The following PAG1 variants were observed in gnomAD, a reference collection of about 807,000 sequenced individuals.
PAG1 encodes phosphoprotein membrane anchor with glycosphingolipid microdomains 1.
PAG1 carries 23 observed loss-of-function variants against 31.7 expected under a neutral mutation model. The ratio of observed to expected loss-of-function variants is 0.73; its 90% CI spans 0.52 to 1.03. The LOEUF (loss-of-function observed/expected upper bound fraction) is 1.03. Among genes scored for constraint, PAG1 ranks in the 50% least tolerant of loss-of-function variants. PAG1 has a pLI of 0.00. For missense variants in PAG1, 473 were observed against 540.7 expected, an observed-to-expected ratio of 0.87 and a Z score of 1.24; for synonymous variants, 214 against 210.3, an observed-to-expected ratio of 1.02 and a Z score of -0.15.
chr8:80,979,520 C>A (rs1250782449), intron 8 of PAG1, among the ~76,000 whole-genome samples: 2 of 152,204 alleles, frequency 1.3e-5, no homozygotes, highest in African/African-American at 2.4e-5. Context: ...AGACAGATGG[C>A]AGGTCCATTC....
At chr8:81,053,369 T>C (rs1808763649) in intron 2 of PAG1, among the ~76,000 whole-genome samples, 1 of 152,200 alleles carries the variant, frequency 6.6e-6, no homozygotes, top group Non-Finnish European at 1.5e-5. Context: ...TCTGACTTTC[T>C]AGCATTCTTT....
chr8:80,977,859 G>A (rs1208259695), intron 8 of PAG1, among the ~76,000 whole-genome samples: 2 of 152,086 alleles, frequency 1.3e-5, no homozygotes, highest in African/African-American at 4.8e-5. Context: ...GAAAAATCAC[G>A]GTTGGAAATA....
intron 1 of PAG1, among the ~76,000 whole-genome samples, chr8:81,095,641 G>T (rs1470152260): frequency 6.6e-6 from 1 of 152,142 alleles, no homozygotes; most frequent in Non-Finnish European, 1.5e-5. Context: ...TAATCCCTTG[G>T]TTATGTGATT....
intron 2 of PAG1, among the ~76,000 whole-genome samples, chr8:81,056,437 T>A (rs952179731): frequency 6.6e-6 from 1 of 152,118 alleles, no homozygotes; most frequent in Non-Finnish European, 1.5e-5. Context: ...CCATCTGATC[T>A]TTGACAAACC....
In PAG1 at chr8:80,976,415, G is replaced by C; in HGVS notation, c.*129C>G. The C allele has an allele frequency of 1.1e-6, 1 of 910,166 alleles. No individual in the cohort carries two copies. The highest frequency in any genetic ancestry group is 2.5e-5 in the East Asian group (1 of 40,630). The allele number at this position is 910,166 out of a possible 1,614,324, so 56.4% of individuals were successfully genotyped here. On this transcript the variant is annotated 3_prime_UTR_variant, in exon 9 of 9. Transcript: ENST00000220597. ...GAACAACTGGGAGAACAGTCGACAG[G>C]GCCTCTCCAACCATCTTCAGGTGAC... is the stretch of plus-strand genomic sequence containing the variant.
intron 2 of PAG1, among the ~76,000 whole-genome samples, chr8:81,042,402 C>G (rs996447009): frequency 6.6e-6 from 1 of 152,176 alleles, no homozygotes; most frequent in Non-Finnish European, 1.5e-5. Context: ...ATGGTTGTCA[C>G]TTGTTTTTCA....
chr8:81,046,711 T>C (rs1808647919), intron 2 of PAG1, among the ~76,000 whole-genome samples: 1 of 152,144 alleles, frequency 6.6e-6, no homozygotes, highest in African/African-American at 2.4e-5. Flanking sequence ...AGTTCAGGGA[T>C]ACATGTGCAG....
chr8:81,016,559 T>C (rs1382667545), intron 3 of PAG1, among the ~76,000 whole-genome samples: 1 of 152,198 alleles, frequency 6.6e-6, no homozygotes, highest in Non-Finnish European at 1.5e-5. Context: ...TCACCTGAAA[T>C]ATATTTTCTA....
At chr8:80,996,613 G>T (rs148500775) in intron 3 of PAG1, among the ~76,000 whole-genome samples, 1,688 of 152,252 alleles carry the variant, frequency 0.011, 23 homozygotes, top group African/African-American at 0.039. Flanking sequence ...CCTGTGCATG[G>T]GGATGGCCCC....
intron 1 of PAG1, among the ~76,000 whole-genome samples, chr8:81,090,633 G>C (rs547445895): frequency 6.6e-6 from 1 of 152,216 alleles, no homozygotes; most frequent in Non-Finnish European, 1.5e-5. Context: ...AACCAGATTA[G>C]GTTGAGGTGG....
intron 3 of PAG1, among the ~76,000 whole-genome samples, chr8:81,018,764 CA>C (rs1461336669): frequency 6.6e-6 from 1 of 152,196 alleles, no homozygotes; most frequent in African/African-American, 2.4e-5. Flanking sequence ...ATAAATTACC[CA>C]GTCTGGTGCA....
At chr8:81,050,766 T>C (rs573114016) in intron 2 of PAG1, among the ~76,000 whole-genome samples, 1 of 152,340 alleles carries the variant, frequency 6.6e-6, no homozygotes, top group African/African-American at 2.4e-5. Context: ...AAGTAGGTGC[T>C]TGAGTCCATC....
In PAG1 at chr8:80,984,999, G is replaced by T; in HGVS notation, c.653C>A (p.Thr218Asn). The change falls in exon 7 of 9, where the codon ACT (threonine) becomes AAT (asparagine). Residue 218 changes from threonine to asparagine, a missense_variant. Coordinates refer to ENST00000220597, the MANE Select transcript of PAG1 (RefSeq NM_018440.4). ...TTCAGCAAACTCAGCTTTGCCTTCA[G>T]TCTGGGGCCCTGGGAGCTCTTTCGA... ...SASKELPGPQ[T>N]EGKAEFAEYA... 1.2e-6 allele frequency: 2 copies of T among 1,614,118 alleles called. No homozygotes were observed. Among genetic ancestry groups the T allele is most frequent in the South Asian group, 2.2e-5 (2 of 91,070 alleles).
chr8:81,046,505 G>A (rs527928821), intron 2 of PAG1, among the ~76,000 whole-genome samples: 1 of 152,176 alleles, frequency 6.6e-6, no homozygotes, highest in South Asian at 2.1e-4. Context: ...GTTAACAATT[G>A]CTTTATGGGT....
chr8:81,030,149 T>C (rs1311064488), intron 2 of PAG1, 60 bp from the exon 3 acceptor site: 1 of 152,262 alleles, frequency 6.6e-6, no homozygotes, highest in Non-Finnish European at 1.5e-5. Context: ...CTGTGAAAGA[T>C]ACTTGTTCAG....
chr8:80,986,758 T>C (rs1484710322), intron 6 of PAG1, among the ~76,000 whole-genome samples: 1 of 142,958 alleles, frequency 7.0e-6, no homozygotes, highest in African/African-American at 2.6e-5. Context: ...AAGCCTGGAT[T>C]ATCCAGGTGG....
chr8:81,093,864 G>A (rs1809485963), intron 1 of PAG1, among the ~76,000 whole-genome samples: 1 of 152,188 alleles, frequency 6.6e-6, no homozygotes, highest in Non-Finnish European at 1.5e-5. Context: ...TCATGGTGTG[G>A]TCTGTAAACC....
chr8:81,090,489 T>C (rs1219725010), intron 1 of PAG1, among the ~76,000 whole-genome samples: 1 of 152,218 alleles, frequency 6.6e-6, no homozygotes, highest in Admixed American at 6.5e-5. Flanking sequence ...AATATTAAGA[T>C]GTGACATCGG....
chr8:81,072,680 G>A (rs1324339380), intron 1 of PAG1, among the ~76,000 whole-genome samples: 1 of 152,200 alleles, frequency 6.6e-6, no homozygotes, highest in African/African-American at 2.4e-5. Flanking sequence ...TCCAGCCTGG[G>A]CGACAGAGTG....
Sources: allele counts gnomAD v4.1 joint callset (sites outside exome capture counted in the v4.1 genomes callset), GRCh38; gene constraint gnomAD v4.1.1; transcripts MANE v1.5; gene names NCBI Gene and HGNC (gene_info 2026-07-23, HGNC 2026-07-21).